The following RBMS3 variants were observed in gnomAD, a reference collection of about 807,000 sequenced individuals.
RBMS3 encodes RNA-binding motif, single-stranded-interacting protein 3.
Under a neutral mutation model 66.8 loss-of-function variants are expected in RBMS3, and 27 were observed. That is an observed-to-expected ratio of 0.40 (90% CI 0.30 to 0.56). The LOEUF (loss-of-function observed/expected upper bound fraction) is 0.56. RBMS3 is among the 20% of genes least tolerant of loss of function. RBMS3 has a pLI of 0.40. For synonymous variants in RBMS3, 188 were observed against 183.0 expected (o/e 1.03, Z -0.22); for missense variants, 513 against 549.5 (o/e 0.93, Z 0.66).
chr3:29,714,391 C>G (rs944625938), intron 4 of RBMS3, among the ~76,000 whole-genome samples: 1 of 152,086 alleles, frequency 6.6e-6, no homozygotes, highest in African/African-American at 2.4e-5. Context: ...TAAGACAGAC[C>G]GGCTGGGAAA....
Position 29,947,031 on chromosome 3 carries a change from G to A in RBMS3, c.1098+2777G>A, listed in dbSNP as rs886381922. On this transcript the variant is annotated intron_variant, in intron 12 of 14. Transcript: ENST00000383767. ...AACTGTGGGTTTAAGGAAGAATAAAGAAGGAAGAAAAAAGAAGGCAGTGGT... is the reference window on the plus strand; with the variant it reads ...AACTGTGGGTTTAAGGAAGAATAAAAAAGGAAGAAAAAAGAAGGCAGTGGT... Among the ~76,000 whole-genome samples the A allele has an allele frequency of 2.6e-5, 4 of 151,660 alleles. No individual in the cohort carries two copies. The East Asian group carries it at 7.8e-4, about 30-fold the overall frequency.
intron 6 of RBMS3, among the ~76,000 whole-genome samples, chr3:29,787,536 T>C (rs2056861010): frequency 6.6e-6 from 1 of 152,118 alleles, no homozygotes; most frequent in African/African-American, 2.4e-5. Flanking sequence ...TTTGCAGCAA[T>C]GCCATTGCAA....
chr3:29,589,608 C>CT (rs1442488746), intron 4 of RBMS3, among the ~76,000 whole-genome samples: 1 of 152,082 alleles, frequency 6.6e-6, no homozygotes, highest in East Asian at 1.9e-4. Flanking sequence ...ATAGGACAAG[C>CT]TTGACCACCA....
At chr3:29,649,955 C>T (rs776359514) in intron 4 of RBMS3, among the ~76,000 whole-genome samples, 4 of 152,124 alleles carry the variant, frequency 2.6e-5, no homozygotes, top group Non-Finnish European at 4.4e-5. Flanking sequence ...AGTGTCACAT[C>T]GCACAAGGCC....
intron 10 of RBMS3, among the ~76,000 whole-genome samples, chr3:29,918,028 A>G (rs1006174579): frequency 2.6e-5 from 4 of 152,144 alleles, no homozygotes; most frequent in African/African-American, 4.8e-5. Flanking sequence ...GTATTTATGG[A>G]TGAAGGAAGT....
intron 3 of RBMS3, among the ~76,000 whole-genome samples, chr3:29,502,836 G>C (rs1277798587): frequency 6.6e-6 from 1 of 152,104 alleles, no homozygotes; most frequent in African/African-American, 2.4e-5. Flanking sequence ...ACAAGGTGCA[G>C]CTGATACTTT....
At chr3:29,742,046 A>G (rs2054671929) in intron 5 of RBMS3, among the ~76,000 whole-genome samples, 1 of 152,220 alleles carries the variant, frequency 6.6e-6, no homozygotes, top group Non-Finnish European at 1.5e-5. Flanking sequence ...AATTCAGTTC[A>G]TAACACAAAG....
At chr3:29,887,141 G>A (rs1033471972) in intron 8 of RBMS3, among the ~76,000 whole-genome samples, 2 of 151,794 alleles carry the variant, frequency 1.3e-5, no homozygotes, top group South Asian at 2.1e-4. Context: ...CTAAACAAGC[G>A]ATTCCTTGAG....
intron 3 of RBMS3, among the ~76,000 whole-genome samples, chr3:29,502,392 T>C (rs963899952): frequency 6.6e-6 from 1 of 152,086 alleles, no homozygotes; most frequent in Admixed American, 6.6e-5. Context: ...TCCCATAAAA[T>C]AATCCCAATA....
At chr3:29,960,552 C>G (rs1442631303) in intron 12 of RBMS3, among the ~76,000 whole-genome samples, 1 of 152,210 alleles carries the variant, frequency 6.6e-6, no homozygotes, top group Admixed American at 6.5e-5. Flanking sequence ...TGGGAACTCG[C>G]ACCCCACATT....
At chr3:29,752,406 A>G (rs553358407) in intron 5 of RBMS3, among the ~76,000 whole-genome samples, 2 of 152,238 alleles carry the variant, frequency 1.3e-5, no homozygotes, top group East Asian at 3.9e-4. Flanking sequence ...AGGGATGTGA[A>G]GTTTTCATTT....
chr3:29,475,537 A>G (rs1343721635), intron 2 of RBMS3, among the ~76,000 whole-genome samples: 1 of 152,190 alleles, frequency 6.6e-6, no homozygotes, highest in African/African-American at 2.4e-5. Flanking sequence ...GGCGTGAATC[A>G]CTGCGCCCAG....
At chr3:29,835,689 A>C (rs578180066) in intron 6 of RBMS3, among the ~76,000 whole-genome samples, 2 of 151,940 alleles carry the variant, frequency 1.3e-5, no homozygotes, top group Non-Finnish European at 2.9e-5. Context: ...GACATCTCAA[A>C]TAAACAACCT....
rs138133053 is a variant in RBMS3, at chr3:29,988,204, C to T, written c.1160C>T (p.Pro387Leu). 1,207 of 1,611,416 alleles carry T rather than the reference C, an allele frequency of 7.5e-4. 2 individuals are homozygous for T. The highest frequency in any genetic ancestry group is 7.6e-4 in the Non-Finnish European group (891 of 1,177,892). Residue 387 changes from proline to leucine, a missense_variant, in exon 13 of 15, where the codon CCG becomes CTG. Physicochemically the swap from Pro to Leu is moderately conservative, Grantham distance 98. Coordinates refer to ENST00000383767, the MANE Select transcript of RBMS3 (RefSeq NM_001003793.3). ...ATTCCTCAGTACACGCCTGTGCCTC[C>T]GACAGCTGTTTCTATTGAAGTAAGT... ...TYIPQYTPVPPTAVSIEGVVA... is the reference protein window; with the variant it reads ...TYIPQYTPVPLTAVSIEGVVA...
intron 4 of RBMS3, among the ~76,000 whole-genome samples, chr3:29,703,836 A>C (rs1286243774): frequency 6.6e-6 from 1 of 151,702 alleles, no homozygotes; most frequent in Non-Finnish European, 1.5e-5. Flanking sequence ...GCACGGCTGG[A>C]GATGAGTGCT....
intron 4 of RBMS3, among the ~76,000 whole-genome samples, chr3:29,615,449 G>A (rs1350340705): frequency 6.6e-6 from 1 of 150,750 alleles, no homozygotes; most frequent in Non-Finnish European, 1.5e-5. Context: ...TTATCTATAT[G>A]AAGGACTTGG....
intron 10 of RBMS3, among the ~76,000 whole-genome samples, chr3:29,915,246 T>C (rs1208113190): frequency 6.6e-6 from 1 of 151,982 alleles, no homozygotes; most frequent in Non-Finnish European, 1.5e-5. Context: ...CCTTTGGGGC[T>C]TTAAACCGTG....
chr3:29,729,827 C>CA (rs11463251), intron 4 of RBMS3, among the ~76,000 whole-genome samples: 69,707 of 151,526 alleles, frequency 0.46, 16,105 homozygotes, highest in Middle Eastern at 0.54. Context: ...CAATCCTAAG[C>CA]AAAAAGAACA....
At chr3:29,317,068 T>C (rs766403379) in intron 1 of RBMS3, among the ~76,000 whole-genome samples, 19 of 151,686 alleles carry the variant, frequency 1.3e-4, no homozygotes, top group Non-Finnish European at 2.4e-4. Flanking sequence ...AAAACGTTTT[T>C]AGGGATAAAA....
Sources: gnomAD v4.1 joint callset for allele counts (sites outside exome capture counted in the v4.1 genomes callset) on GRCh38, gnomAD v4.1.1 for gene constraint, MANE v1.5 for transcripts, NCBI Gene and HGNC (gene_info 2026-07-23, HGNC 2026-07-21) for gene names.